The following PCBP3 variants were observed in gnomAD, a reference collection of about 807,000 sequenced individuals.
PCBP3 encodes poly(rC)-binding protein 3.
Under a neutral mutation model 52.7 loss-of-function variants are expected in PCBP3, and 25 were observed. That is an observed-to-expected ratio of 0.47 (90% confidence interval 0.35 to 0.66). PCBP3 has a LOEUF of 0.66. Among genes scored for constraint, PCBP3 ranks in the 30% least tolerant of loss-of-function variants. PCBP3 has a pLI of 0.01. For missense variants in PCBP3, 391 were observed against 490.3 expected (o/e 0.80, Z 1.91); for synonymous variants, 162 against 183.0 (o/e 0.89, Z 0.93).
intron 4 of PCBP3, among the ~76,000 whole-genome samples, chr21:45,815,717 A>G (rs1449697518): frequency 4.5e-4 from 18 of 39,962 alleles, no homozygotes; most frequent in East Asian, 3.1e-3. Context: ...GTAGTGAGTG[A>G]TGAGTGGTGA....
chr21:45,775,225 G>A (rs2090163655), intron 4 of PCBP3, among the ~76,000 whole-genome samples: 1 of 151,762 alleles, frequency 6.6e-6, no homozygotes, highest in South Asian at 2.1e-4. Flanking sequence ...ATTTCCTCCT[G>A]ACTCAGTCTT....
intron 3 of PCBP3, among the ~76,000 whole-genome samples, chr21:45,749,124 G>A (rs1219058118): frequency 6.6e-6 from 1 of 152,108 alleles, no homozygotes; most frequent in East Asian, 1.9e-4. Flanking sequence ...CAAGGTCTTT[G>A]ATTAACCCTT....
At chr21:45,874,664 G>T (rs1335484176) in intron 5 of PCBP3, among the ~76,000 whole-genome samples, 4 of 151,960 alleles carry the variant, frequency 2.6e-5, no homozygotes, top group Non-Finnish European at 5.9e-5. Context: ...TTGCCACCAC[G>T]CCCGGCTACT....
chr21:45,930,274 A>C (rs1446130711), intron 14 of PCBP3, among the ~76,000 whole-genome samples: 1 of 152,142 alleles, frequency 6.6e-6, no homozygotes, highest in African/African-American at 2.4e-5. Flanking sequence ...GAGGGTCTGC[A>C]CTTGCTGGGC....
intron 4 of PCBP3, among the ~76,000 whole-genome samples, chr21:45,820,987 G>A (rs751506222): frequency 1.2e-4 from 19 of 152,166 alleles, no homozygotes; most frequent in African/African-American, 2.2e-4. Context: ...TGAGGAGTGC[G>A]TTCTGAGAGG....
At chr21:45,706,757 G>A (rs533336534) in intron 2 of PCBP3, among the ~76,000 whole-genome samples, 52 of 152,224 alleles carry the variant, frequency 3.4e-4, no homozygotes, top group Non-Finnish European at 6.0e-4. Context: ...CTTAGGGTGA[G>A]CACGCTGCCT....
At chr21:45,662,777 T>G (rs1340649702) in intron 1 of PCBP3, among the ~76,000 whole-genome samples, 4 of 152,158 alleles carry the variant, frequency 2.6e-5, no homozygotes, top group Non-Finnish European at 5.9e-5. Flanking sequence ...CTGTCACACC[T>G]GGACAGGGCC....
chr21:45,661,882 T>C (rs1461632898), intron 1 of PCBP3, among the ~76,000 whole-genome samples: 1 of 152,236 alleles, frequency 6.6e-6, no homozygotes, highest in Non-Finnish European at 1.5e-5. Flanking sequence ...TTTGCATTTC[T>C]CTGGTGATTA....
In PCBP3 at chr21:45,892,473, G is replaced by C. The variant is rs2065335; in HGVS notation, c.11-3735G>C. Reference sequence around the variant, plus strand: ...CAGTCCCGTCTCTGACGGGGCGTGGGGGGGGGGGCGGTCCCGTCTCTCACG... The same window carrying C: ...CAGTCCCGTCTCTGACGGGGCGTGGCGGGGGGGGCGGTCCCGTCTCTCACG... On this transcript the variant is annotated intron_variant, in intron 5 of 17. Transcript: ENST00000681687. Among the ~76,000 whole-genome samples the C allele has an allele frequency of 2.2e-3, 101 of 45,170 alleles. 1 individual carries two copies. Among genetic ancestry groups the C allele is most frequent in the Admixed American group, 0.017 (87 of 5,054 alleles). 29.6% of individuals were successfully genotyped at this position (45,170 alleles called of 152,430 possible).
In PCBP3 at chr21:45,880,707, C is replaced by A. The variant is rs951664454; in HGVS notation, c.11-15501C>A. Reference sequence around the variant, plus strand: ...GTGGCCCCAGGTGACTGCAGCAGGGCCAGGAGAGACGGGGTTGTAGGTACA... The same window carrying A: ...GTGGCCCCAGGTGACTGCAGCAGGGACAGGAGAGACGGGGTTGTAGGTACA... On this transcript the variant is annotated intron_variant, in intron 5 of 17. Transcript: ENST00000681687. This position sits in a 1 kb window ranked among gnomAD's most constrained non-coding sequence, Gnocchi z 5.4. Among the ~76,000 whole-genome samples the A allele has an allele frequency of 2.6e-5, 4 of 152,036 alleles. No homozygotes were observed. Among genetic ancestry groups the A allele is most frequent in the African/African-American group, 9.7e-5 (4 of 41,386 alleles).
At chr21:45,824,200 C>T (rs970472073) in intron 4 of PCBP3, among the ~76,000 whole-genome samples, 9 of 152,200 alleles carry the variant, frequency 5.9e-5, no homozygotes, top group Admixed American at 2.0e-4. Context: ...GGAGTCCTGC[C>T]TCCTGCATCA....
chr21:45,727,672 G>A (rs74402936), intron 2 of PCBP3, among the ~76,000 whole-genome samples: 4,653 of 152,250 alleles, frequency 0.031, 229 homozygotes, highest in African/African-American at 0.1. Flanking sequence ...CCTGGCCTTG[G>A]GTGATTGGGG....
chr21:45,803,828 C>T (rs1239166987), intron 4 of PCBP3, among the ~76,000 whole-genome samples: 1 of 152,210 alleles, frequency 6.6e-6, no homozygotes, highest in Admixed American at 6.5e-5. Flanking sequence ...AGTCAGGCCT[C>T]GGGAGGTGAC....
intron 4 of PCBP3, among the ~76,000 whole-genome samples, chr21:45,816,585 G>A (rs2092970454): frequency 6.9e-6 from 1 of 145,088 alleles, no homozygotes; most frequent in South Asian, 2.3e-4. Flanking sequence ...CCTGCACAGG[G>A]TCAGAATCGT....
chr21:45,877,891 C>T (rs1248035887), intron 5 of PCBP3, among the ~76,000 whole-genome samples: 1 of 152,246 alleles, frequency 6.6e-6, no homozygotes, highest in Non-Finnish European at 1.5e-5. Context: ...GACTTCTGCA[C>T]AGAGTGCTGG....
chr21:45,754,629 A>G (rs1255970821), intron 3 of PCBP3, among the ~76,000 whole-genome samples: 1 of 152,210 alleles, frequency 6.6e-6, no homozygotes, highest in Non-Finnish European at 1.5e-5. Context: ...CTTAAATGCT[A>G]ATTGCCTGTG....
chr21:45,674,482 T>C (rs2081349431), intron 2 of PCBP3, among the ~76,000 whole-genome samples: 1 of 152,222 alleles, frequency 6.6e-6, no homozygotes, highest in Admixed American at 6.5e-5. Context: ...TGGATTTCTC[T>C]GTCTCCTTCT....
chr21:45,806,106 T>C (rs902793703), intron 4 of PCBP3, among the ~76,000 whole-genome samples: 2 of 152,216 alleles, frequency 1.3e-5, no homozygotes, highest in Non-Finnish European at 2.9e-5. Flanking sequence ...GCAGGTGTGA[T>C]GTGTCTGAGG....
At chr21:45,680,123 G>T (rs1471252056) in intron 2 of PCBP3, among the ~76,000 whole-genome samples, 1 of 152,088 alleles carries the variant, frequency 6.6e-6, no homozygotes, top group Non-Finnish European at 1.5e-5. Context: ...CATAATCTTG[G>T]CTACTGTGGC....
Sources: gnomAD v4.1 joint callset for allele counts (sites outside exome capture counted in the v4.1 genomes callset) on GRCh38, gnomAD v4.1.1 for gene constraint, Gnocchi (gnomAD v3.1) non-coding constraint, MANE v1.5 for transcripts, NCBI Gene and HGNC (gene_info 2026-07-23, HGNC 2026-07-21) for gene names.